CADM1: variants seen among roughly 807,000 people sequenced by gnomAD.
The protein encoded by CADM1 is cell adhesion molecule 1, also known as TSLC-1.
A neutral mutation model predicts 53.1 loss-of-function variants in CADM1; 15 were observed. That is an observed-to-expected ratio of 0.28 (90% CI 0.19 to 0.44). The LOEUF (loss-of-function observed/expected upper bound fraction) is 0.44, where lower values mean the gene tolerates loss of function less well. Among genes scored for constraint, CADM1 ranks in the 20% least tolerant of loss-of-function variants. CADM1 has a pLI of 1.00. For missense variants in CADM1, 434 were observed against 611.3 expected (o/e 0.71, Z 3.06); for synonymous variants, 281 against 243.0 (o/e 1.16, Z -1.45).
intron 3 of CADM1, among the ~76,000 whole-genome samples, chr11:115,234,257 G>A (rs534557042): frequency 6.6e-6 from 1 of 152,150 alleles, no homozygotes; most frequent in South Asian, 2.1e-4. Flanking sequence ...CCTCCATTTG[G>A]TTCATAAAGA....
At chr11:115,195,733 A>C (rs2134665067) in intron 9 of CADM1, among the ~76,000 whole-genome samples, 1 of 152,260 alleles carries the variant, frequency 6.6e-6, no homozygotes, top group Admixed American at 6.5e-5. Flanking sequence ...ACCACGTTCT[A>C]TTACCTTTTC....
chr11:115,379,975 A>G (rs906813138), intron 1 of CADM1, among the ~76,000 whole-genome samples: 1 of 152,162 alleles, frequency 6.6e-6, no homozygotes, highest in African/African-American at 2.4e-5. Context: ...AAATCAACAC[A>G]TATAGGTCAG....
At chr11:115,330,410 T>G (rs957001204) in intron 1 of CADM1, among the ~76,000 whole-genome samples, 2 of 152,194 alleles carry the variant, frequency 1.3e-5, no homozygotes, top group Non-Finnish European at 2.9e-5. Context: ...GCTTTGGAGC[T>G]GCAGAATTTT....
At chr11:115,441,800 T>A (rs1948319061) in intron 1 of CADM1, among the ~76,000 whole-genome samples, 1 of 152,066 alleles carries the variant, frequency 6.6e-6, no homozygotes, top group Admixed American at 6.6e-5. Flanking sequence ...TTTCAACTGA[T>A]CTTAAGTTCA....
intron 5 of CADM1, among the ~76,000 whole-genome samples, chr11:115,226,822 GGA>G (rs1941627336): frequency 1.3e-5 from 2 of 152,154 alleles, no homozygotes; most frequent in Admixed American, 1.3e-4. Flanking sequence ...AAAGCTGGTA[GGA>G]AATGATGTAG....
rs752414838 is a variant in CADM1, at chr11:115,231,470, T to C, written c.445A>G (p.Ile149Val). ...TVLVPPRNLMIDIQKDTAVEG... is the reference protein window; with the variant it reads ...TVLVPPRNLMVDIQKDTAVEG... ...ACCGCAGTGTCTTTCTGGATATCGATCATCAGATTACGTGGTGGGACTACA... is the reference window on the plus strand; with the variant it reads ...ACCGCAGTGTCTTTCTGGATATCGACCATCAGATTACGTGGTGGGACTACA... Residue 149 changes from isoleucine to valine, a missense_variant, in exon 4 of 12, where the codon ATC (isoleucine) becomes GTC (valine). Transcript: ENST00000331581. The C allele has an allele frequency of 6.2e-7, 1 of 1,614,082 alleles. No individual in the cohort carries two copies. Among genetic ancestry groups the C allele is most frequent in the South Asian group, 1.1e-5 (1 of 91,084 alleles).
intron 1 of CADM1, among the ~76,000 whole-genome samples, chr11:115,298,857 C>T (rs1264959554): frequency 6.6e-6 from 1 of 152,174 alleles, no homozygotes; most frequent in East Asian, 1.9e-4. Context: ...CAGTGGTTCT[C>T]TCTGCACTAG....
chr11:115,196,460 G>C (rs1022414897), intron 9 of CADM1, among the ~76,000 whole-genome samples: 3 of 151,962 alleles, frequency 2.0e-5, no homozygotes, highest in Non-Finnish European at 4.4e-5. Flanking sequence ...TTTCTTCAAG[G>C]ATCTCACAGA....
At position 115,482,418 on chromosome 11, in the gene CADM1, C is replaced by G. The variant is rs147037855; in HGVS notation, c.124+21853G>C. ...ACCTAGTGCTTATCAGTGTCTAGCA[C>G]ATAGTAAGTGATACACACACACAAA... On this transcript the variant is annotated intron_variant, in intron 1 of 11. Coordinates refer to ENST00000331581, the MANE Select transcript of CADM1 (RefSeq NM_001301043.2). 4.8e-3 allele frequency among the ~76,000 whole-genome samples: 730 copies of G among 152,284 alleles called. 4 individuals carry two copies. The highest frequency in any genetic ancestry group is 0.034 in the Middle Eastern group (10 of 294).
chr11:115,320,419 T>C (rs776295613), intron 1 of CADM1, among the ~76,000 whole-genome samples: 13 of 152,152 alleles, frequency 8.5e-5, no homozygotes, highest in Non-Finnish European at 1.6e-4. Context: ...GAAATACCAA[T>C]GATTTTGCAG....
At chr11:115,222,484 T>C (rs1037327986) in intron 5 of CADM1, among the ~76,000 whole-genome samples, 1 of 152,104 alleles carries the variant, frequency 6.6e-6, no homozygotes, top group African/African-American at 2.4e-5. Flanking sequence ...AAAGAGAACA[T>C]CTTGCAAAAT....
At chr11:115,298,755 C>T (rs556988675) in intron 1 of CADM1, among the ~76,000 whole-genome samples, 1 of 152,170 alleles carries the variant, frequency 6.6e-6, no homozygotes, top group Admixed American at 6.5e-5. Context: ...AAGCTCACTC[C>T]CAACACACTT....
At chr11:115,399,651 G>A (rs1947087289) in intron 1 of CADM1, 1 of 151,518 alleles carries the variant, frequency 6.6e-6, no homozygotes. Flanking sequence ...AAAAAGAGCT[G>A]TTTTTTTTCA....
At chr11:115,232,677 A>G (rs369378344) in intron 3 of CADM1, among the ~76,000 whole-genome samples, 9 of 152,026 alleles carry the variant, frequency 5.9e-5, no homozygotes, top group African/African-American at 2.2e-4. Context: ...GATGATGATG[A>G]TAAAATATGT....
At chr11:115,486,179 C>T (rs1949369088) in intron 1 of CADM1, among the ~76,000 whole-genome samples, 2 of 152,142 alleles carry the variant, frequency 1.3e-5, no homozygotes, top group African/African-American at 4.8e-5. Flanking sequence ...TACTCCTAAC[C>T]AATCTCTCCA....
intron 1 of CADM1, among the ~76,000 whole-genome samples, chr11:115,380,504 T>C (rs911463811): frequency 6.6e-6 from 1 of 152,202 alleles, no homozygotes; most frequent in African/African-American, 2.4e-5. Flanking sequence ...TAAGGGGAAA[T>C]AGAAAATGTT....
intron 9 of CADM1, among the ~76,000 whole-genome samples, chr11:115,197,561 A>G (rs1027191521): frequency 2.0e-5 from 3 of 152,214 alleles, no homozygotes; most frequent in Admixed American, 2.0e-4. Flanking sequence ...AAAAGTTAAT[A>G]GACTTATTCC....
At position 115,240,234 on chromosome 11, in the gene CADM1, A is replaced by T. The variant is rs192163005; in HGVS notation, c.271+40T>A. The T allele has an allele frequency of 3.1e-4, 495 of 1,602,518 alleles. 1 individual carries two copies. Among genetic ancestry groups the T allele is most frequent in the Non-Finnish European group, 4.1e-4 (477 of 1,171,560 alleles). The stretch of plus-strand genomic sequence containing the variant: ...CTCTTTATCAAGACAACATGTAGGT[A>T]AAAAAGTTGCCATCTACAACTATAG... On this transcript the variant is annotated intron_variant, in intron 2 of 11. Transcript: ENST00000331581.
At chr11:115,285,140 C>T (rs900754317) in intron 1 of CADM1, among the ~76,000 whole-genome samples, 2 of 152,150 alleles carry the variant, frequency 1.3e-5, no homozygotes, top group Admixed American at 6.5e-5. Flanking sequence ...AACCAAATTG[C>T]CAACCCCCTG....
Sources: gnomAD v4.1 joint callset for allele counts (sites outside exome capture counted in the v4.1 genomes callset) on GRCh38, gnomAD v4.1.1 for gene constraint, MANE v1.5 for transcripts, NCBI Gene and HGNC (gene_info 2026-07-23, HGNC 2026-07-21) for gene names.